The following SFRP5 variants were observed in gnomAD, a reference collection of about 807,000 sequenced individuals.
SFRP5 encodes secreted frizzled-related protein 5.
Under a neutral mutation model 27.0 loss-of-function variants are expected in SFRP5, and 22 were observed. The ratio of observed to expected loss-of-function variants is 0.82; its 90% CI spans 0.58 to 1.17. SFRP5 has a LOEUF of 1.17. Among genes scored for constraint, SFRP5 ranks in the 50% most tolerant of loss-of-function variants. The pLI is 0.00. For missense variants in SFRP5, 406 were observed against 436.6 expected, an observed-to-expected ratio of 0.93 and a Z score of 0.63; for synonymous variants, 171 against 195.0, an observed-to-expected ratio of 0.88 and a Z score of 1.03.
At chr10:97,769,971 A>G (rs766159740) in intron 1 of SFRP5, among the ~76,000 whole-genome samples, 1 of 152,250 alleles carries the variant, frequency 6.6e-6, no homozygotes, top group Non-Finnish European at 1.5e-5. Flanking sequence ...AGGTGGGCAC[A>G]GTGACTGCCC....
rs1556971 is a variant in SFRP5 at position 97,768,089 on chromosome 10, T to A, written c.608-229A>T. On this transcript the variant is annotated intron_variant, in intron 2 of 2. Transcript: ENST00000266066. ...ATCCTCAAGGTACAGAAGAGGGGAA[T>A]TGAGGGGTAGAGAGCTTGTGACCTG... Among the ~76,000 whole-genome samples, 124,471 of 152,050 alleles carry A rather than the reference T, an allele frequency of 0.82. 51,821 individuals are homozygous for A. The highest frequency in any genetic ancestry group is 0.96 in the African/African-American group (39,775 of 41,508).
chr10:97,771,213 G>A lies in SFRP5; in HGVS notation c.529+92C>T. ...GTGTGTGTGTGTGTGTGGGCGGAGG[G>A]GGGGAGCTGCACCTCTTGGGGGGTT... On this transcript the variant is annotated intron_variant, in intron 1 of 2. Transcript: ENST00000266066. This position sits in a 1 kb window ranked among gnomAD's most constrained non-coding sequence, Gnocchi z 5.2. 1 of 719,584 alleles carries A rather than the reference G, an allele frequency of 1.4e-6. No homozygotes were observed. The highest frequency in any genetic ancestry group is 2.3e-6 in the Non-Finnish European group (1 of 439,576). 44.6% of individuals were successfully genotyped at this position (719,584 alleles called of 1,614,324 possible). A position where few individuals can be genotyped will look rare whatever the true frequency, so the allele number is the denominator to read the frequency against.
In SFRP5 at chr10:97,769,658, C is replaced by T; in HGVS notation, c.607+10G>A. On this transcript the variant is annotated intron_variant, in intron 2 of 2. Coordinates refer to ENST00000266066, the MANE Select transcript of SFRP5 (RefSeq NM_003015.3). ...TGTCGGGGCAGTGGCAGCGTGGGCC[C>T]CACACTCACCAAAGTCACTGGAGCA... 3 of 1,604,484 alleles carry T rather than the reference C, an allele frequency of 1.9e-6. No individual in the cohort carries two copies. The South Asian group carries it at 3.3e-5, about 18-fold the overall frequency.
chr10:97,771,475 G>A lies in SFRP5; in HGVS notation c.359C>T (p.Pro120Leu). Residue 120 changes from proline (P) to leucine (L), a missense_variant, in exon 1 of 3, where the codon CCC becomes CTC. Coordinates refer to ENST00000266066, the MANE Select transcript of SFRP5 (RefSeq NM_003015.3). This position sits in a 1 kb window ranked among gnomAD's most constrained non-coding sequence, Gnocchi z 5.2. ...SLFAPVCLDR[P>L]IYPCRSLCEA... ...GCACAGCGAGCGGCACGGGTAGATGGGCCGGTCGAGACAGACGGGCGCAAA... is the reference window on the plus strand; with the variant it reads ...GCACAGCGAGCGGCACGGGTAGATGAGCCGGTCGAGACAGACGGGCGCAAA... 1 of 1,612,352 alleles carries A rather than the reference G, an allele frequency of 6.2e-7. No homozygotes were observed. The highest frequency in any genetic ancestry group is 8.5e-7 in the Non-Finnish European group (1 of 1,178,954).
intron 2 of SFRP5, among the ~76,000 whole-genome samples, chr10:97,768,460 A>G (rs1264629377): frequency 6.6e-6 from 1 of 152,062 alleles, no homozygotes; most frequent in Admixed American, 6.5e-5. Context: ...ATTCATTGAC[A>G]TCCATGGGGT....
chr10:97,768,972 C>G (rs537789409), intron 2 of SFRP5, among the ~76,000 whole-genome samples: 2 of 152,324 alleles, frequency 1.3e-5, no homozygotes, highest in East Asian at 1.9e-4. Flanking sequence ...ACACCCCTTG[C>G]AATAGCAGTA....
Position 97,771,667 on chromosome 10 carries a change from A to C in SFRP5, c.167T>G (p.Ile56Ser). ...SYSKPPQCLD[I>S]PADLPLCHTV... ...GTGGCAGAGCGGCAGGTCGGCAGGG[A>C]TGTCAAGGCACTGCGGCGGCTTGGA... The change falls in exon 1 of 3, where the codon ATC (isoleucine) becomes AGC (serine). Residue 56 changes from isoleucine (I) to serine (S), a missense_variant. Transcript: ENST00000266066. This position sits in a 1 kb window ranked among gnomAD's most constrained non-coding sequence, Gnocchi z 5.2. 6.2e-7 allele frequency: 1 copy of C among 1,602,726 alleles called. No individual in the cohort carries two copies. The highest frequency in any genetic ancestry group is 8.5e-7 in the Non-Finnish European group (1 of 1,179,620).
Position 97,769,753 on chromosome 10 carries a change from G to A in SFRP5, c.530-8C>T. 1 of 1,611,174 alleles carries A rather than the reference G, an allele frequency of 6.2e-7. No homozygotes were observed. Among genetic ancestry groups the A allele is most frequent in the Non-Finnish European group, 8.5e-7 (1 of 1,177,814 alleles). On this transcript the variant is annotated splice_polypyrimidine_tract_variant and splice_region_variant and intron_variant, in intron 1 of 2. Coordinates refer to ENST00000266066, the MANE Select transcript of SFRP5 (RefSeq NM_003015.3). ...GGGCGCAGATCTTGGTCACTGAAGA[G>A]AGAAAGTGGGGTGGGGTTGGGGGAC...
chr10:97,767,961 G>C, intron 2 of SFRP5, 101 bp from the exon 3 acceptor site: 1 of 815,452 alleles, frequency 1.2e-6, no homozygotes, highest in East Asian at 2.6e-5. Flanking sequence ...GGCTGGGGGA[G>C]CCTGATGCCC....
intron 1 of SFRP5, among the ~76,000 whole-genome samples, 198 bp from the exon 2 acceptor site, chr10:97,769,943 T>C: frequency 6.6e-6 from 1 of 152,344 alleles, no homozygotes; most frequent in Non-Finnish European, 1.5e-5. Flanking sequence ...AGACAGGCTG[T>C]GCAGTGACAA....
rs551123822 is a variant in SFRP5 at position 97,767,379 on chromosome 10, G to C, written c.*135C>G. 1.0e-4 allele frequency: 68 copies of C among 672,966 alleles called. No homozygotes were observed. The Admixed American group carries it at 2.1e-3, about 21-fold the overall frequency. The allele number at this position is 672,966 out of a possible 1,614,324, so 41.7% of individuals were successfully genotyped here. ...GGTCAAAAAGGACAGCCTGGGCTCC[G>C]TGCCCATCCCTTAGGCCTTGTGCCA... On this transcript the variant is annotated 3_prime_UTR_variant, in exon 3 of 3. Coordinates refer to ENST00000266066, the MANE Select transcript of SFRP5 (RefSeq NM_003015.3).
chr10:97,767,849 G>T lies in SFRP5; in HGVS notation c.619C>A (p.Arg207Ser). Reference protein sequence around the residue: ...MCSSDFVVKMRIKEIKIENGD... With the variant: ...MCSSDFVVKMSIKEIKIENGD... ...TTCTCTATCTTGATCTCCTTGATGC[G>T]CATTTTGACCACTGTGGGAAGAAAG... Residue 207 changes from arginine (R) to serine (S), a missense_variant, in exon 3 of 3, where the codon CGC (arginine) becomes AGC (serine). Physicochemically the swap from Arg to Ser is moderately radical, Grantham distance 110. Transcript: ENST00000266066. 1 of 1,524,540 alleles carries T rather than the reference G, an allele frequency of 6.6e-7. No homozygotes were observed. The highest frequency in any genetic ancestry group is 2.3e-5 in the East Asian group (1 of 44,160). 94.4% of individuals were successfully genotyped at this position (1,524,540 alleles called of 1,614,324 possible). A position where few individuals can be genotyped will look rare whatever the true frequency, so the allele number is the denominator to read the frequency against.
At chr10:97,768,778 CAG>C (rs2049499524) in intron 2 of SFRP5, among the ~76,000 whole-genome samples, 1 of 152,052 alleles carries the variant, frequency 6.6e-6, no homozygotes, top group Admixed American at 6.5e-5. Flanking sequence ...TCCTGGGCCT[CAG>C]GGTGGGGTGG....
intron 1 of SFRP5, among the ~76,000 whole-genome samples, chr10:97,770,674 G>GC (rs1415163597): frequency 6.6e-6 from 1 of 152,216 alleles, no homozygotes; most frequent in Non-Finnish European, 1.5e-5. Flanking sequence ...CAGGGGCAGA[G>GC]CCTAATCTGC....
chr10:97,769,754 A>G lies in SFRP5; in HGVS notation c.530-9T>C. On this transcript the variant is annotated splice_polypyrimidine_tract_variant and intron_variant, in intron 1 of 2. Transcript: ENST00000266066. ...GGCGCAGATCTTGGTCACTGAAGAG[A>G]GAAAGTGGGGTGGGGTTGGGGGACA... 2 of 1,610,744 alleles carry G rather than the reference A, an allele frequency of 1.2e-6. No homozygotes were observed. Among genetic ancestry groups the G allele is most frequent in the Non-Finnish European group, 1.7e-6 (2 of 1,177,716 alleles).
At position 97,771,991 on chromosome 10, in the gene SFRP5, G is replaced by T; in HGVS notation, c.-158C>A. 2.8e-6 allele frequency: 1 copy of T among 363,190 alleles called. No homozygotes were observed. Among genetic ancestry groups the T allele is most frequent in the Non-Finnish European group, 3.9e-6 (1 of 258,488 alleles). 22.5% of individuals were successfully genotyped at this position (363,190 alleles called of 1,614,324 possible). ...GTGGGTGGCAGCCTGCGCTGCGGGC[G>T]CCCCGACTGATCCTGGCGCCTCCCA... On this transcript the variant is annotated 5_prime_UTR_variant, in exon 1 of 3. Coordinates refer to ENST00000266066, the MANE Select transcript of SFRP5 (RefSeq NM_003015.3). The surrounding 1 kb of genome is among the most constrained non-coding windows in gnomAD (Gnocchi z 5.2).
At chr10:97,769,566 G>A in intron 2 of SFRP5, 102 bp downstream of exon 2, 2 of 776,346 alleles carry the variant, frequency 2.6e-6, no homozygotes, top group Non-Finnish European at 4.4e-6. Context: ...AAAACTGTTG[G>A]GATTCACTGT....
intron 2 of SFRP5, among the ~76,000 whole-genome samples, chr10:97,768,669 C>G (rs1281275989): frequency 6.6e-6 from 1 of 152,026 alleles, no homozygotes; most frequent in Admixed American, 6.5e-5. Context: ...CACTGAGACC[C>G]TAACTCCTTT....
rs773651533 is a variant in SFRP5, at chr10:97,771,775, C to T, written c.59G>A (p.Gly20Glu). The stretch of plus-strand genomic sequence containing the variant: ...GCGCGCCGGCGCCCAGTGCAGCGCC[C>T]CCAGCAGCAGCGCCAGCGCGGCCGT... The part of the protein sequence containing the change: ...VRTAALALLL[G>E]ALHWAPARCE... The change falls in exon 1 of 3, where the codon GGG (glycine) becomes GAG (glutamate). Residue 20 changes from glycine to glutamate, a missense_variant. By Grantham distance (98) the Gly-to-Glu change is moderately conservative (BLOSUM62 -2). Coordinates refer to ENST00000266066, the MANE Select transcript of SFRP5 (RefSeq NM_003015.3). The surrounding 1 kb of genome is among the most constrained non-coding windows in gnomAD (Gnocchi z 5.2). 2.7e-6 allele frequency: 4 copies of T among 1,504,902 alleles called. No individual in the cohort carries two copies. The Admixed American group carries it at 7.9e-5, about 30-fold the overall frequency. 93.2% of individuals were successfully genotyped at this position (1,504,902 alleles called of 1,614,324 possible).
Sources: gnomAD v4.1 joint callset for allele counts (sites outside exome capture counted in the v4.1 genomes callset) on GRCh38, gnomAD v4.1.1 for gene constraint, Gnocchi (gnomAD v3.1) non-coding constraint, MANE v1.5 for transcripts, NCBI Gene and HGNC (gene_info 2026-07-23, HGNC 2026-07-21) for gene names.